The following KIF16B variants were observed in gnomAD, a reference collection of about 807,000 sequenced individuals.
The protein encoded by KIF16B is kinesin family member 16B.
Under a neutral mutation model 156.3 loss-of-function variants are expected in KIF16B, and 98 were observed. The ratio of observed to expected loss-of-function variants is 0.63; its 90% CI spans 0.53 to 0.74. The LOEUF (loss-of-function observed/expected upper bound fraction) is 0.74. Ranked by LOEUF, KIF16B falls within the 30% of genes least tolerant of loss-of-function variation. KIF16B has a pLI of 0.00. For synonymous variants in KIF16B, 564 were observed against 583.7 expected (o/e 0.97, Z 0.49); for missense variants, 1,421 against 1,606.5 (o/e 0.88, Z 1.97).
At chr20:16,323,009 G>T (rs1203527842) in intron 24 of KIF16B, among the ~76,000 whole-genome samples, 5 of 152,114 alleles carry the variant, frequency 3.3e-5, no homozygotes, top group African/African-American at 1.2e-4. Flanking sequence ...TATCTTTTAT[G>T]ATTTTTAACA....
At chr20:16,428,006 C>T (rs2066400273) in intron 14 of KIF16B, among the ~76,000 whole-genome samples, 1 of 152,136 alleles carries the variant, frequency 6.6e-6, no homozygotes, top group Non-Finnish European at 1.5e-5. Context: ...TCTCTGATCA[C>T]AGAAAACGTG....
At chr20:16,511,992 TA>T (rs1271029960) in intron 5 of KIF16B, among the ~76,000 whole-genome samples, 6 of 151,834 alleles carry the variant, frequency 4.0e-5, no homozygotes, top group Non-Finnish European at 8.8e-5. Flanking sequence ...ACTAAAAATA[TA>T]AAAATTAGCT....
intron 3 of KIF16B, among the ~76,000 whole-genome samples, chr20:16,525,517 G>A (rs1380701658): frequency 1.3e-5 from 2 of 152,032 alleles, no homozygotes; most frequent in Non-Finnish European, 2.9e-5. Flanking sequence ...CTTTGTGTCT[G>A]TTATTATCTG....
chr20:16,285,054 T>C (rs2063203424), intron 25 of KIF16B, among the ~76,000 whole-genome samples: 1 of 152,238 alleles, frequency 6.6e-6, no homozygotes. Flanking sequence ...GCCATGTGGC[T>C]ACTGAGCACT....
intron 23 of KIF16B, among the ~76,000 whole-genome samples, chr20:16,353,587 GT>G (rs1283709118): frequency 1.3e-5 from 2 of 152,158 alleles, no homozygotes; most frequent in African/African-American, 2.4e-5. Flanking sequence ...TGAGGGGGGG[GT>G]TTATGATTCC....
intron 3 of KIF16B, among the ~76,000 whole-genome samples, chr20:16,523,818 G>A (rs1600621069): frequency 6.6e-6 from 1 of 152,088 alleles, no homozygotes; most frequent in Non-Finnish European, 1.5e-5. Context: ...AAACAGCATG[G>A]TACTGATATC....
At chr20:16,326,169 A>C (rs1415409513) in intron 24 of KIF16B, among the ~76,000 whole-genome samples, 1 of 152,150 alleles carries the variant, frequency 6.6e-6, no homozygotes, top group African/African-American at 2.4e-5. Flanking sequence ...CAAAGACTTA[A>C]ATAGAAGACC....
intron 12 of KIF16B, among the ~76,000 whole-genome samples, chr20:16,431,882 T>C (rs950053712): frequency 2.7e-5 from 4 of 146,452 alleles, no homozygotes; most frequent in Admixed American, 2.1e-4. Context: ...TATACATATA[T>C]ATATATACTA....
intron 15 of KIF16B, among the ~76,000 whole-genome samples, chr20:16,413,084 C>T (rs1399016348): frequency 1.3e-5 from 2 of 151,892 alleles, no homozygotes; most frequent in South Asian, 4.2e-4. Context: ...TTCTTGTCAA[C>T]CATGAACCAT....
chr20:16,417,840 G>T (rs1454449788), intron 15 of KIF16B, among the ~76,000 whole-genome samples: 3 of 151,816 alleles, frequency 2.0e-5, no homozygotes, highest in South Asian at 2.1e-4. Context: ...AAAGAAAAAA[G>T]AATTTATCAA....
intron 22 of KIF16B, chr20:16,366,913 G>T: frequency 8.2e-7 from 1 of 1,221,498 alleles, no homozygotes; most frequent in African/African-American, 1.6e-5. Flanking sequence ...TGAGTTTCAA[G>T]AAAATGAAGC....
chr20:16,370,235 T>G (rs929700540), intron 22 of KIF16B, among the ~76,000 whole-genome samples: 1 of 152,140 alleles, frequency 6.6e-6, no homozygotes, highest in African/African-American at 2.4e-5. Flanking sequence ...CAACTCACAG[T>G]CTATAAAATG....
At chr20:16,279,815 C>G (rs1601476679) in intron 25 of KIF16B, among the ~76,000 whole-genome samples, 1 of 152,160 alleles carries the variant, frequency 6.6e-6, no homozygotes, top group Non-Finnish European at 1.5e-5. Flanking sequence ...TAAACACTAT[C>G]AATCTTTTGA....
At chr20:16,289,636 G>A (rs1322199862) in intron 25 of KIF16B, among the ~76,000 whole-genome samples, 1 of 152,126 alleles carries the variant, frequency 6.6e-6, no homozygotes, top group Non-Finnish European at 1.5e-5. Context: ...GACGGATCAC[G>A]AGGTCAGGAG....
chr20:16,565,553 CCCACTGAAGAGCT>C (rs2071222734), intron 1 of KIF16B, among the ~76,000 whole-genome samples: 1 of 152,194 alleles, frequency 6.6e-6, no homozygotes, highest in East Asian at 1.9e-4. Flanking sequence ...ACTCGGCTAG[CCCACTGAAGAGCT>C]CCAGCCTGAA....
chr20:16,522,037 G>A (rs1251504075), intron 3 of KIF16B, among the ~76,000 whole-genome samples: 1 of 152,150 alleles, frequency 6.6e-6, no homozygotes, highest in Non-Finnish European at 1.5e-5. Context: ...AATATGGAAA[G>A]GAACAACTGG....
intron 12 of KIF16B, among the ~76,000 whole-genome samples, chr20:16,470,664 T>C (rs1278492041): frequency 1.3e-5 from 2 of 149,602 alleles, no homozygotes; most frequent in Admixed American, 6.6e-5. Flanking sequence ...TTTTTTTCTT[T>C]TTTTTTTTTT....
At chr20:16,525,010 A>T (rs1012635275) in intron 3 of KIF16B, among the ~76,000 whole-genome samples, 25 of 152,136 alleles carry the variant, frequency 1.6e-4, no homozygotes, top group Admixed American at 6.5e-5. Context: ...GGAACATCAC[A>T]TACCAAAGCC....
chr20:16,348,645 G>A (rs2064278267), intron 23 of KIF16B, among the ~76,000 whole-genome samples: 2 of 152,206 alleles, frequency 1.3e-5, no homozygotes, highest in South Asian at 4.1e-4. Context: ...GAGGATGGAT[G>A]CAGCTAATTA....
Sources: gnomAD v4.1 joint callset for allele counts (sites outside exome capture counted in the v4.1 genomes callset) on GRCh38, gnomAD v4.1.1 for gene constraint, MANE v1.5 for transcripts, NCBI Gene and HGNC (gene_info 2026-07-23, HGNC 2026-07-21) for gene names.